Variants in TSG101 observed in about 807,000 individuals in gnomAD.
TSG101 encodes tumor susceptibility 101.
Under a neutral mutation model 48.5 loss-of-function variants are expected in TSG101, and 19 were observed. The ratio of observed to expected loss-of-function variants is 0.39; its 90% confidence interval spans 0.27 to 0.58. The LOEUF (loss-of-function observed/expected upper bound fraction) is 0.58, where lower values mean the gene tolerates loss of function less well. Among genes scored for constraint, TSG101 ranks in the 20% least tolerant of loss-of-function variants. The pLI is 0.55. For missense variants in TSG101, 365 were observed against 484.4 expected (o/e 0.75, Z 2.31); for synonymous variants, 174 against 169.4 (o/e 1.03, Z -0.21).
chr11:18,511,308 G>A (rs1194644731), intron 4 of TSG101: 1 of 152,160 alleles, frequency 6.6e-6, no homozygotes, highest in African/African-American at 2.4e-5. Context: ...AGAGTTCAGT[G>A]GCAGTTTTCA....
At chr11:18,519,648 T>A in intron 1 of TSG101, 45 bp from the exon 2 acceptor site, 1 of 1,375,222 alleles carries the variant, frequency 7.3e-7, no homozygotes, top group Non-Finnish European at 1.0e-6. Context: ...AACCAATGCA[T>A]ATATTTTACA....
chr11:18,503,136 G>A (rs1181418324), intron 6 of TSG101, among the ~76,000 whole-genome samples: 3 of 152,148 alleles, frequency 2.0e-5, no homozygotes, highest in South Asian at 4.1e-4. Flanking sequence ...TTCCTTAGAG[G>A]TATTCTACTC....
intron 2 of TSG101, among the ~76,000 whole-genome samples, chr11:18,518,105 T>A (rs1163813687): frequency 6.6e-6 from 1 of 152,214 alleles, no homozygotes; most frequent in East Asian, 1.9e-4. Flanking sequence ...TGAAGCCATT[T>A]AAAAACTAAC....
intron 7 of TSG101, among the ~76,000 whole-genome samples, chr11:18,491,683 T>G (rs994345436): frequency 2.6e-5 from 4 of 152,222 alleles, no homozygotes; most frequent in African/African-American, 9.6e-5. Flanking sequence ...TAGGGTGGCC[T>G]TGGGAAACCA....
At chr11:18,490,270 T>C in intron 7 of TSG101, 1 of 545,804 alleles carries the variant, frequency 1.8e-6, no homozygotes, top group East Asian at 4.6e-5. Flanking sequence ...TTCATCTTCC[T>C]GGTTTTCCGA....
chr11:18,511,099 A>G (rs557539547), intron 4 of TSG101: 1 of 152,172 alleles, frequency 6.6e-6, no homozygotes, highest in African/African-American at 2.4e-5. Context: ...AAGTTCACTG[A>G]GTTCTGAAGA....
At chr11:18,495,800 A>G in intron 7 of TSG101, among the ~76,000 whole-genome samples, 1 of 152,020 alleles carries the variant, frequency 6.6e-6, no homozygotes, top group Admixed American at 6.6e-5. Context: ...CACTCTGATA[A>G]AAGGACTCTA....
intron 7 of TSG101, among the ~76,000 whole-genome samples, chr11:18,501,151 T>C (rs893843986): frequency 3.9e-5 from 6 of 152,198 alleles, no homozygotes; most frequent in African/African-American, 1.4e-4. Flanking sequence ...TCTATTTTTG[T>C]TGACTATGCT....
intron 7 of TSG101, among the ~76,000 whole-genome samples, chr11:18,486,866 C>T (rs1426329546): frequency 6.6e-6 from 1 of 151,910 alleles, no homozygotes; most frequent in Non-Finnish European, 1.5e-5. Flanking sequence ...TTGGAACCAA[C>T]CCAAATGTCC....
intron 1 of TSG101, among the ~76,000 whole-genome samples, chr11:18,525,360 C>T (rs1850352441): frequency 6.6e-6 from 1 of 151,906 alleles, no homozygotes; most frequent in Admixed American, 6.6e-5. Context: ...GCCTGGCCAA[C>T]ATGGTGAAAT....
At position 18,508,277 on chromosome 11, in the gene TSG101, A is replaced by C. The variant is rs1272439817; in HGVS notation, c.481+1265T>G. On this transcript the variant is annotated intron_variant, in intron 5 of 9. Coordinates refer to ENST00000251968, the MANE Select transcript of TSG101 (RefSeq NM_006292.4). Reference sequence around the variant, plus strand: ...TGCTCTGTCACCCAGGCTGGAGTGCAGTAATGCGATCTCAGCTCACTGCAA... The same window carrying C: ...TGCTCTGTCACCCAGGCTGGAGTGCCGTAATGCGATCTCAGCTCACTGCAA... Among the ~76,000 whole-genome samples, 4 of 145,282 alleles carry C rather than the reference A, an allele frequency of 2.8e-5. No homozygotes were observed. The East Asian group carries it at 8.2e-4, about 30-fold the overall frequency.
At chr11:18,481,418 C>T in intron 9 of TSG101, 1 of 1,349,062 alleles carries the variant, frequency 7.4e-7, no homozygotes, top group Non-Finnish European at 9.5e-7. Flanking sequence ...GAACTGCAGC[C>T]ACCAGCCCAC....
chr11:18,497,230 C>T (rs1228251615), intron 7 of TSG101, among the ~76,000 whole-genome samples: 1 of 152,012 alleles, frequency 6.6e-6, no homozygotes, highest in Admixed American at 6.6e-5. Flanking sequence ...CTAAATGATA[C>T]TTTTATGTTT....
At chr11:18,506,067 C>T (rs951077469) in intron 6 of TSG101, among the ~76,000 whole-genome samples, 2 of 152,030 alleles carry the variant, frequency 1.3e-5, no homozygotes, top group Admixed American at 6.6e-5. Context: ...TCAGGTGATC[C>T]GCCTGCATCG....
At chr11:18,500,585 T>C (rs1382690708) in intron 7 of TSG101, among the ~76,000 whole-genome samples, 2 of 152,202 alleles carry the variant, frequency 1.3e-5, no homozygotes, top group Non-Finnish European at 2.9e-5. Flanking sequence ...TGATGAGTGA[T>C]ATTGAGCATT....
intron 5 of TSG101, chr11:18,508,031 T>G (rs751568422): frequency 1.3e-5 from 2 of 149,558 alleles, no homozygotes; most frequent in South Asian, 2.1e-4. Flanking sequence ...GAGGCAGAGG[T>G]TGCAGTCAGC....
chr11:18,499,381 A>AATATATATATATATAT (rs1229188041), intron 7 of TSG101, among the ~76,000 whole-genome samples: 127 of 12,264 alleles, frequency 0.01, 32 homozygotes, highest in Non-Finnish European at 0.014. Context: ...TTTATATTTA[A>AATATATATATATATAT]ATATATATAT....
Position 18,526,940 on chromosome 11 carries a change from T to A in TSG101, c.-124A>T. ...TCAAACAACAGGAAGTCGGCACCACTACACCACTTCCGCTTCCACTACGTC... is the reference window on the plus strand; with the variant it reads ...TCAAACAACAGGAAGTCGGCACCACAACACCACTTCCGCTTCCACTACGTC... On this transcript the variant is annotated 5_prime_UTR_variant, in exon 1 of 10. Coordinates refer to ENST00000251968, the MANE Select transcript of TSG101 (RefSeq NM_006292.4). 3 of 1,025,446 alleles carry A rather than the reference T, an allele frequency of 2.9e-6. No individual in the cohort carries two copies. Among genetic ancestry groups the A allele is most frequent in the Non-Finnish European group, 4.3e-6 (3 of 702,946 alleles). The allele number at this position is 1,025,446 out of a possible 1,614,324, so 63.5% of individuals were successfully genotyped here. A position where few individuals can be genotyped will look rare whatever the true frequency, so the allele number is the denominator to read the frequency against.
chr11:18,523,050 C>A (rs1037468078), intron 1 of TSG101, among the ~76,000 whole-genome samples: 1 of 152,022 alleles, frequency 6.6e-6, no homozygotes, highest in Non-Finnish European at 1.5e-5. Context: ...CCACGCCTGG[C>A]TAATTTTTTT....
Sources: gnomAD v4.1 joint callset for allele counts (sites outside exome capture counted in the v4.1 genomes callset) on GRCh38, gnomAD v4.1.1 for gene constraint, MANE v1.5 for transcripts, NCBI Gene and HGNC (gene_info 2026-07-23, HGNC 2026-07-21) for gene names.